Variants in EIF4E3 observed in about 807,000 individuals in gnomAD.
EIF4E3 encodes eukaryotic translation initiation factor 4E family member 3, also known as eukaryotic translation initiation factor 4E type 3.
EIF4E3 carries 26 observed loss-of-function variants against 31.7 expected under a neutral mutation model. The ratio of observed to expected loss-of-function variants is 0.82; its 90% CI spans 0.60 to 1.14. EIF4E3 has a LOEUF of 1.14. EIF4E3 is among the 50% of genes most tolerant of loss of function. EIF4E3 has a pLI of 0.00. For synonymous variants in EIF4E3, 128 were observed against 107.7 expected (o/e 1.19, Z -1.17); for missense variants, 304 against 270.9 (o/e 1.12, Z -0.86).
intron 1 of EIF4E3, among the ~76,000 whole-genome samples, chr3:71,713,450 T>A (rs183025065): frequency 6.6e-6 from 1 of 152,186 alleles, no homozygotes; most frequent in African/African-American, 2.4e-5. Context: ...TGTTTGTTTG[T>A]TTTTGGGAAA....
chr3:71,687,091 C>G (rs1290563244), intron 6 of EIF4E3, among the ~76,000 whole-genome samples: 1 of 152,318 alleles, frequency 6.6e-6, no homozygotes, highest in Middle Eastern at 3.4e-3. Flanking sequence ...ACCTTCACCT[C>G]CTGGGTTCAA....
rs371684090 is a variant in EIF4E3, at chr3:71,690,958, C to G, written c.473-793G>C. Among the ~76,000 whole-genome samples, 6 of 152,092 alleles carry G rather than the reference C, an allele frequency of 3.9e-5. No individual in the cohort carries two copies. In the East Asian group the frequency reaches 7.7e-4, roughly 20 times the overall value. On this transcript the variant is annotated intron_variant, in intron 5 of 6. Coordinates refer to ENST00000425534, the MANE Select transcript of EIF4E3 (RefSeq NM_001134651.2). Reference sequence around the variant, plus strand: ...GGACTTTTTTTAAAAAACAAAATTCCAGATTAGGGCTGTCTTGCACATAGT... The same window carrying G: ...GGACTTTTTTTAAAAAACAAAATTCGAGATTAGGGCTGTCTTGCACATAGT...
chr3:71,696,513 C>T lies in EIF4E3; in HGVS notation c.352G>A (p.Glu118Lys), dbSNP rs762417927. The T allele has an allele frequency of 4.3e-6, 7 of 1,614,016 alleles. No homozygotes were observed. The East Asian group carries it at 1.1e-4, about 26-fold the overall frequency. Reference sequence around the variant, plus strand: ...CATACGCCACCCTTTGCATTACTCTCCTCTTCCCTGGGCCAAAGACCAACG... The same window carrying T: ...CATACGCCACCCTTTGCATTACTCTTCTCTTCCCTGGGCCAAAGACCAACG... ...RGERRPLWEE[E>K]SNAKGGVWKM... is the part of the protein sequence containing the mutation. Residue 118 changes from glutamate (E) to lysine (K), a missense_variant, in exon 4 of 7, where the codon GAG becomes AAG. Coordinates refer to ENST00000425534, the MANE Select transcript of EIF4E3 (RefSeq NM_001134651.2).
chr3:71,706,902 CAAGA>C (rs1003968872), intron 2 of EIF4E3, among the ~76,000 whole-genome samples: 1 of 152,136 alleles, frequency 6.6e-6, no homozygotes, highest in African/African-American at 2.4e-5. Context: ...AAATTACTTA[CAAGA>C]TAGTATCCTG....
intron 1 of EIF4E3, among the ~76,000 whole-genome samples, chr3:71,732,686 T>A (rs1239500157): frequency 1.3e-5 from 2 of 152,182 alleles, no homozygotes; most frequent in Non-Finnish European, 2.9e-5. Flanking sequence ...ATAGCTTACA[T>A]CAGAAACTGG....
intron 2 of EIF4E3, among the ~76,000 whole-genome samples, chr3:71,707,121 G>A (rs17008972): frequency 0.19 from 28,528 of 152,074 alleles, 3,535 homozygotes; most frequent in African/African-American, 0.35. Context: ...AAGAAAGCAC[G>A]AAAAGATATC....
intron 1 of EIF4E3, among the ~76,000 whole-genome samples, chr3:71,745,342 G>A (rs370932156): frequency 1.2e-4 from 18 of 152,134 alleles, no homozygotes; most frequent in Admixed American, 2.0e-4. Flanking sequence ...CAAGGAACTC[G>A]TTGCATAATA....
At position 71,701,914 on chromosome 3, in the gene EIF4E3, C is replaced by T. The variant is rs146234161; in HGVS notation, c.250-2206G>A. 4.3e-3 allele frequency among the ~76,000 whole-genome samples: 651 copies of T among 152,280 alleles called. 2 individuals carry two copies. Among genetic ancestry groups the T allele is most frequent in the South Asian group, 9.6e-3 (46 of 4,816 alleles). ...ACTGTATTAACAGTAGCTCCTCAAACACCCATCTGCCTCTATGGAGGTACC... is the reference window on the plus strand; with the variant it reads ...ACTGTATTAACAGTAGCTCCTCAAATACCCATCTGCCTCTATGGAGGTACC... On this transcript the variant is annotated intron_variant, in intron 2 of 6. Coordinates refer to ENST00000425534, the MANE Select transcript of EIF4E3 (RefSeq NM_001134651.2).
chr3:71,732,034 G>T (rs1456067540), intron 1 of EIF4E3, among the ~76,000 whole-genome samples: 1 of 151,934 alleles, frequency 6.6e-6, no homozygotes, highest in African/African-American at 2.4e-5. Context: ...TGCATTTTCA[G>T]CTCTGCCACA....
At chr3:71,693,599 A>G (rs899980886) in intron 5 of EIF4E3, among the ~76,000 whole-genome samples, 6 of 152,180 alleles carry the variant, frequency 3.9e-5, no homozygotes, top group Non-Finnish European at 8.8e-5. Flanking sequence ...ATGGTTATAG[A>G]TACTATTAAA....
chr3:71,705,392 T>C (rs189480195), intron 2 of EIF4E3, among the ~76,000 whole-genome samples: 12 of 152,314 alleles, frequency 7.9e-5, no homozygotes, highest in Admixed American at 2.0e-4. Context: ...CAGGATAGGT[T>C]TGGCATATGC....
At position 71,712,945 on chromosome 3, in the gene EIF4E3, T is replaced by G. The variant is rs187317462; in HGVS notation, c.177-2461A>C. ...TCCACAGTCTGGTCTTTACTTGTAT[T>G]CCAGTGCAGGAGATAATTGTACCAA... On this transcript the variant is annotated intron_variant, in intron 1 of 6. Coordinates refer to ENST00000425534, the MANE Select transcript of EIF4E3 (RefSeq NM_001134651.2). 3.3e-5 allele frequency among the ~76,000 whole-genome samples: 5 copies of G among 152,174 alleles called. No homozygotes were observed. In the East Asian group the frequency reaches 9.7e-4, roughly 29 times the overall value.
intron 6 of EIF4E3, among the ~76,000 whole-genome samples, chr3:71,687,935 C>T (rs1349635638): frequency 6.6e-6 from 1 of 152,144 alleles, no homozygotes; most frequent in Admixed American, 6.5e-5. Flanking sequence ...CTTATTTTTC[C>T]AAATTACTTC....
At chr3:71,662,276 G>A in the EIF4E3 span, among the ~76,000 whole-genome samples, 2 of 152,154 alleles carry the variant, frequency 1.3e-5, no homozygotes, top group Non-Finnish European at 2.9e-5. Context: ...GAATCACACA[G>A]GGCTGTGGTC....
In EIF4E3 at chr3:71,699,798, T is replaced by A. The variant is rs184980417; in HGVS notation, c.250-90A>T. The A allele has an allele frequency of 1.2e-4, 128 of 1,061,976 alleles. No individual in the cohort carries two copies. In the East Asian group the frequency reaches 2.3e-3, roughly 19 times the overall value. The allele number at this position is 1,061,976 out of a possible 1,614,324, so 65.8% of individuals were successfully genotyped here. A position where few individuals can be genotyped will look rare whatever the true frequency, so the allele number is the denominator to read the frequency against. On this transcript the variant is annotated intron_variant, in intron 2 of 6. Coordinates refer to ENST00000425534, the MANE Select transcript of EIF4E3 (RefSeq NM_001134651.2). Reference sequence around the variant, plus strand: ...ATCAAATTAATGCATTAAAGAAAAATTTTGATTCTCATTGTTTTATCCATT... The same window carrying A: ...ATCAAATTAATGCATTAAAGAAAAAATTTGATTCTCATTGTTTTATCCATT...
downstream of EIF4E3, among the ~76,000 whole-genome samples, chr3:71,674,456 T>C (rs1176126883): frequency 6.6e-6 from 1 of 152,112 alleles, no homozygotes; most frequent in East Asian, 1.9e-4. Flanking sequence ...TAGAAAATAA[T>C]TGGAAAGTTC....
intron 1 of EIF4E3, among the ~76,000 whole-genome samples, chr3:71,752,451 T>C (rs1368896162): frequency 1.3e-5 from 2 of 152,188 alleles, no homozygotes; most frequent in African/African-American, 4.8e-5. Flanking sequence ...CTTCTTAGCC[T>C]GATCATTAAG....
chr3:71,701,102 A>G (rs1366692143), intron 2 of EIF4E3, among the ~76,000 whole-genome samples: 2 of 152,190 alleles, frequency 1.3e-5, no homozygotes, highest in African/African-American at 4.8e-5. Context: ...CAGAACTGTG[A>G]GAAACAAGGG....
At chr3:71,701,673 G>A (rs183045032) in intron 2 of EIF4E3, among the ~76,000 whole-genome samples, 1 of 152,302 alleles carries the variant, frequency 6.6e-6, no homozygotes, top group African/African-American at 2.4e-5. Flanking sequence ...GGGTGGAATA[G>A]AATTTTAGCT....
Sources: allele counts gnomAD v4.1 joint callset (sites outside exome capture counted in the v4.1 genomes callset), GRCh38; gene constraint gnomAD v4.1.1; transcripts MANE v1.5; gene names NCBI Gene and HGNC (gene_info 2026-07-23, HGNC 2026-07-21).